Variants in ALDH1L1 observed in about 807,000 individuals in gnomAD.
ALDH1L1 encodes the protein aldehyde dehydrogenase 1 family member L1.
Under a neutral mutation model 101.1 loss-of-function variants are expected in ALDH1L1, and 68 were observed. The ratio of observed to expected loss-of-function variants is 0.67; its 90% CI spans 0.55 to 0.82. The LOEUF is 0.82. Among genes scored for constraint, ALDH1L1 ranks in the 40% least tolerant of loss-of-function variants. ALDH1L1 has a pLI of 0.00. For synonymous variants in ALDH1L1, 486 were observed against 470.8 expected (o/e 1.03, Z -0.42); for missense variants, 1,087 against 1,172.7 (o/e 0.93, Z 1.07).
chr3:126,150,352 A>G (rs2080783477), intron 8 of ALDH1L1, 54 bp downstream of exon 8: 2 of 1,541,056 alleles, frequency 1.3e-6, no homozygotes, highest in Non-Finnish European at 1.8e-6. Context: ...TGCAGAACAC[A>G]TGTGCACGGC....
Position 126,138,018 on chromosome 3 carries a change from C to G in ALDH1L1, c.1077-58G>C, listed in dbSNP as rs576037870. Reference sequence around the variant, plus strand: ...GGAGGGGCTCAGCAGGCCTGCATCGCTAGCAGCAGTGGCAGTGGGGCCAAA... The same window carrying G: ...GGAGGGGCTCAGCAGGCCTGCATCGGTAGCAGCAGTGGCAGTGGGGCCAAA... On this transcript the variant is annotated intron_variant, in intron 9 of 22. Transcript: ENST00000393434. The G allele has an allele frequency of 1.2e-5, 20 of 1,601,136 alleles. No homozygotes were observed. The African/African-American group carries it at 2.1e-4, about 17-fold the overall frequency.
intron 1 of ALDH1L1, among the ~76,000 whole-genome samples, chr3:126,171,968 G>A (rs916610117): frequency 1.7e-4 from 26 of 152,170 alleles, no homozygotes; most frequent in African/African-American, 6.0e-4. Flanking sequence ...GCAAGCCAGA[G>A]CCTATTTAAG....
At chr3:126,180,946 T>C (rs1273359358), upstream of ALDH1L1, 1 of 1,610,570 alleles carries the variant, frequency 6.2e-7, no homozygotes, top group Non-Finnish European at 8.5e-7. Flanking sequence ...TCTCTCACTC[T>C]TGATGGGCCA....
At chr3:126,114,508 G>A (rs1946174182) in intron 18 of ALDH1L1, 49 bp downstream of exon 18, 2 of 1,423,460 alleles carry the variant, frequency 1.4e-6, no homozygotes, top group Non-Finnish European at 1.9e-6. Context: ...GGTCCCTACA[G>A]TCCCTGTTCC....
chr3:126,106,131 CAG>C (rs905781851), intron 21 of ALDH1L1, among the ~76,000 whole-genome samples: 2 of 152,226 alleles, frequency 1.3e-5, no homozygotes, highest in African/African-American at 4.8e-5. Flanking sequence ...GTGGCCACCA[CAG>C]GGGCTCCTGG....
intron 9 of ALDH1L1, among the ~76,000 whole-genome samples, chr3:126,144,529 T>C (rs776653114): frequency 6.6e-6 from 1 of 152,138 alleles, no homozygotes; most frequent in African/African-American, 2.4e-5. Context: ...ATGAACAAGA[T>C]AGCCTAGAAA....
chr3:126,118,950 C>T (rs763274593), intron 16 of ALDH1L1, among the ~76,000 whole-genome samples: 4 of 152,142 alleles, frequency 2.6e-5, no homozygotes, highest in Admixed American at 6.5e-5. Flanking sequence ...TCCATCTCAA[C>T]GAGACTTCAG....
chr3:126,180,149 G>A (rs118120428), intron 1 of ALDH1L1: 1 of 152,836 alleles, frequency 6.5e-6, no homozygotes, highest in East Asian at 1.9e-4. Flanking sequence ...CCATAAGCCG[G>A]GCCAGCAGTG....
At chr3:126,185,513 A>G (rs2081510267), upstream of ALDH1L1, among the ~76,000 whole-genome samples, 1 of 152,206 alleles carries the variant, frequency 6.6e-6, no homozygotes, top group African/African-American at 2.4e-5. Context: ...GCCCAGTAAG[A>G]CTGTGATGAC....
intron 18 of ALDH1L1, among the ~76,000 whole-genome samples, 191 bp from the exon 19 acceptor site, chr3:126,113,071 A>G (rs577716644): frequency 3.3e-5 from 5 of 152,294 alleles, no homozygotes; most frequent in African/African-American, 1.2e-4. Flanking sequence ...TGGGAAGTGA[A>G]GACGCTGAGG....
chr3:126,123,359 G>A (rs1313203180), intron 16 of ALDH1L1, among the ~76,000 whole-genome samples: 1 of 151,732 alleles, frequency 6.6e-6, no homozygotes, highest in African/African-American at 2.4e-5. Context: ...CCAGGTTCAG[G>A]CGATTCTTCT....
Position 126,146,005 on chromosome 3 carries a change from T to C in ALDH1L1, c.1076+830A>G, listed in dbSNP as rs146044184. Among the ~76,000 whole-genome samples, 108 of 152,216 alleles carry C rather than the reference T, an allele frequency of 7.1e-4. 3 individuals carry two copies. The East Asian group carries it at 0.016, about 23-fold the overall frequency. Reference sequence around the variant, plus strand: ...TGGCATATTTTTTACAAAACAATTATTACAAACTGCATACTGCCTCACAGT... The same window carrying C: ...TGGCATATTTTTTACAAAACAATTACTACAAACTGCATACTGCCTCACAGT... On this transcript the variant is annotated intron_variant, in intron 9 of 22. Transcript: ENST00000393434.
intron 6 of ALDH1L1, among the ~76,000 whole-genome samples, chr3:126,154,099 C>T (rs2080859642): frequency 6.6e-6 from 1 of 152,154 alleles, no homozygotes; most frequent in Admixed American, 6.5e-5. Context: ...ACAAAGTCCA[C>T]CACACACAGT....
intron 19 of ALDH1L1, chr3:126,110,371 G>A (rs1330900415): frequency 3.8e-6 from 2 of 527,824 alleles, no homozygotes; most frequent in Non-Finnish European, 6.8e-6. Flanking sequence ...AGGGGTGTGG[G>A]TGAGGAGGAC....
intron 3 of ALDH1L1, 55 bp downstream of exon 3, chr3:126,158,350 G>A: frequency 6.9e-7 from 1 of 1,444,862 alleles, no homozygotes; most frequent in East Asian, 2.5e-5. Context: ...TGACAAGTCA[G>A]GCTGATGGAG....
In ALDH1L1 at chr3:126,153,524, C is replaced by T. The variant is rs753739852; in HGVS notation, c.778G>A (p.Ala260Thr). The T allele has an allele frequency of 6.8e-6, 11 of 1,614,026 alleles. No homozygotes were observed. The highest frequency in any genetic ancestry group is 2.2e-5 in the East Asian group (1 of 44,890). ...NTSGLVPEGD[A>T]LPIPGAHRPG... ...CGATGGGCTCCTGGGATGGGCAAAG[C>T]GTCTCCCTCGGGCACCAGGCCTGAA... is the stretch of plus-strand genomic sequence containing the variant. The change falls in exon 7 of 23, where the codon GCT (alanine) becomes ACT (threonine). Residue 260 changes from alanine to threonine, a missense_variant. Around this residue, in one of 2 missense-constraint regions of ALDH1L1, gnomAD observed 645 missense variants for 637.0 expected, o/e 1.01. Coordinates refer to ENST00000393434, the MANE Select transcript of ALDH1L1 (RefSeq NM_012190.4).
rs1169297377 is a variant in ALDH1L1, at chr3:126,107,127, G to T, written c.2453+14C>A. ...GAGAGTCAGGGCCCTTGAGACATCA[G>T]CAGGATTCCCTACCCATCAGCAAAC... On this transcript the variant is annotated intron_variant, in intron 21 of 22. Transcript: ENST00000393434. 1 of 1,609,612 alleles carries T rather than the reference G, an allele frequency of 6.2e-7. No individual in the cohort carries two copies. Among genetic ancestry groups the T allele is most frequent in the Admixed American group, 1.7e-5 (1 of 60,016 alleles).
intron 1 of ALDH1L1, among the ~76,000 whole-genome samples, chr3:126,174,593 A>C (rs893432733): frequency 2.0e-5 from 3 of 152,202 alleles, no homozygotes; most frequent in African/African-American, 7.2e-5. Flanking sequence ...CAATAACAGA[A>C]AGATATCTGA....
chr3:126,184,076 A>G (rs1048298776), upstream of ALDH1L1, among the ~76,000 whole-genome samples: 1 of 152,334 alleles, frequency 6.6e-6, no homozygotes, highest in East Asian at 1.9e-4. Flanking sequence ...CACATGAAAG[A>G]TGGTGGAAGT....
Sources: gnomAD v4.1 joint callset for allele counts (sites outside exome capture counted in the v4.1 genomes callset) on GRCh38, gnomAD v4.1.1 for gene constraint, gnomAD v4.1.1 regional missense constraint, MANE v1.5 for transcripts, NCBI Gene and HGNC (gene_info 2026-07-23, HGNC 2026-07-21) for gene names.